Variants in SORCS3 observed in about 807,000 individuals in gnomAD.
SORCS3 encodes the protein sortilin related VPS10 domain containing receptor 3, also known as VPS10 domain-containing receptor SorCS3.
Under a neutral mutation model 146.3 loss-of-function variants are expected in SORCS3, and 57 were observed. That is an observed-to-expected ratio of 0.39 (90% CI 0.31 to 0.49). The LOEUF is 0.49. SORCS3 is among the 20% of genes least tolerant of loss of function. SORCS3 has a pLI of 0.92. For missense variants in SORCS3, 1,341 were observed against 1,575.5 expected (o/e 0.85, Z 2.52); for synonymous variants, 653 against 618.5 (o/e 1.06, Z -0.83).
At chr10:104,894,907 A>G (rs1195658015) in intron 2 of SORCS3, among the ~76,000 whole-genome samples, 1 of 152,232 alleles carries the variant, frequency 6.6e-6, no homozygotes, top group African/African-American at 2.4e-5. Flanking sequence ...GCATTTGGAA[A>G]TGTGGGACAG....
intron 2 of SORCS3, among the ~76,000 whole-genome samples, chr10:104,853,818 C>T (rs1159149248): frequency 1.3e-5 from 2 of 152,174 alleles, no homozygotes; most frequent in East Asian, 1.9e-4. Flanking sequence ...TAAATATGTA[C>T]AATTTTAAAG....
intron 3 of SORCS3, among the ~76,000 whole-genome samples, chr10:104,952,414 A>G (rs2019442184): frequency 6.6e-6 from 1 of 151,704 alleles, no homozygotes; most frequent in Admixed American, 6.6e-5. Context: ...AGAATCTCAC[A>G]CTCTTCTACA....
At chr10:104,959,371 G>T in intron 3 of SORCS3, among the ~76,000 whole-genome samples, 1 of 152,066 alleles carries the variant, frequency 6.6e-6, no homozygotes, top group East Asian at 1.9e-4. Flanking sequence ...CCTCATGAAT[G>T]GATTAGTATC....
At chr10:104,795,187 C>T (rs762677788) in intron 1 of SORCS3, among the ~76,000 whole-genome samples, 9 of 152,078 alleles carry the variant, frequency 5.9e-5, no homozygotes, top group Non-Finnish European at 8.8e-5. Context: ...AATAAATACT[C>T]GGGTATGGCT....
At chr10:105,122,887 G>T (rs910577652) in intron 7 of SORCS3, among the ~76,000 whole-genome samples, 4 of 152,230 alleles carry the variant, frequency 2.6e-5, no homozygotes, top group Non-Finnish European at 1.5e-5. Flanking sequence ...GAAGGAGACA[G>T]TGCAGTTGGA....
At chr10:105,002,661 T>TC in intron 4 of SORCS3, among the ~76,000 whole-genome samples, 1 of 152,252 alleles carries the variant, frequency 6.6e-6, no homozygotes, top group East Asian at 1.9e-4. Flanking sequence ...TTACCTACCC[T>TC]CTTGGGTAAT....
At position 104,868,001 on chromosome 10, in the gene SORCS3, A is replaced by C. The variant is rs77783815; in HGVS notation, c.695+25142A>C. On this transcript the variant is annotated intron_variant, in intron 2 of 26. Transcript: ENST00000369701. ...GTTTTACAACCCTGAGCTTCTCTGT[A>C]TTCATTAGCATGCAGGAATCTGACT... Among the ~76,000 whole-genome samples the C allele has an allele frequency of 8.5e-4, 129 of 152,290 alleles. 1 individual carries two copies. Among genetic ancestry groups the C allele is most frequent in the Middle Eastern group, 3.4e-3 (1 of 294 alleles).
chr10:105,178,251 C>A, intron 14 of SORCS3, 78 bp downstream of exon 14: 1 of 1,167,976 alleles, frequency 8.6e-7, no homozygotes, highest in Non-Finnish European at 1.2e-6. Context: ...GGATTTTTCC[C>A]AGGGAACCCT....
intron 1 of SORCS3, among the ~76,000 whole-genome samples, chr10:104,731,430 T>A (rs1242207230): frequency 6.6e-6 from 1 of 152,170 alleles, no homozygotes; most frequent in Non-Finnish European, 1.5e-5. Context: ...GGCTTGTGAT[T>A]TAACTCTAAA....
Position 105,130,670 on chromosome 10 carries a change from A to G in SORCS3, c.1213-8727A>G, listed in dbSNP as rs1231034155. 3.3e-5 allele frequency among the ~76,000 whole-genome samples: 5 copies of G among 152,136 alleles called. No homozygotes were observed. The South Asian group carries it at 1.0e-3, about 31-fold the overall frequency. On this transcript the variant is annotated intron_variant, in intron 7 of 26. Transcript: ENST00000369701. ...TTCTTGGTGAAACTATTTGGGGGCT[A>G]TTATGTTAGGGCACCAATAAAAGAT...
intron 3 of SORCS3, among the ~76,000 whole-genome samples, chr10:104,933,870 C>T (rs930888262): frequency 6.6e-6 from 1 of 152,190 alleles, no homozygotes; most frequent in Admixed American, 6.5e-5. Flanking sequence ...TCTTGGCTCA[C>T]TGCAACCTCC....
chr10:105,004,545 G>A (rs2055082397), intron 4 of SORCS3, among the ~76,000 whole-genome samples: 1 of 152,108 alleles, frequency 6.6e-6, no homozygotes, highest in East Asian at 1.9e-4. Context: ...GATAGGAAGT[G>A]GAGCAGATAA....
rs767835367 is a variant in SORCS3, at chr10:105,149,410, TG to T, written c.1482+1616del. ...CCCTTAAACAACAAGGTCCCAGTTT[TG>T]GAAATGTTCCAGATTGTTTTACAGA... On this transcript the variant is annotated intron_variant, in intron 9 of 26. Transcript: ENST00000369701. Among the ~76,000 whole-genome samples the T allele has an allele frequency of 3.3e-5, 5 of 152,284 alleles. No homozygotes were observed. The East Asian group carries it at 5.8e-4, about 18-fold the overall frequency.
chr10:104,690,809 G>A (rs560744118), intron 1 of SORCS3, among the ~76,000 whole-genome samples: 4 of 116,098 alleles, frequency 3.4e-5, no homozygotes, highest in African/African-American at 1.0e-4. Flanking sequence ...GTGCATCGAG[G>A]GACCAGGCAA....
intron 6 of SORCS3, among the ~76,000 whole-genome samples, chr10:105,103,495 C>T (rs1300384433): frequency 6.6e-6 from 1 of 152,096 alleles, no homozygotes; most frequent in African/African-American, 2.4e-5. Context: ...ATTCATCATC[C>T]ACATGGACCC....
At chr10:104,769,068 C>A (rs892783257) in intron 1 of SORCS3, among the ~76,000 whole-genome samples, 12 of 152,226 alleles carry the variant, frequency 7.9e-5, no homozygotes, top group African/African-American at 2.7e-4. Context: ...ATCTTCCAAA[C>A]CTTCCACCTC....
At chr10:105,169,014 TAGTC>T (rs895253538) in intron 13 of SORCS3, among the ~76,000 whole-genome samples, 7 of 152,182 alleles carry the variant, frequency 4.6e-5, no homozygotes, top group Non-Finnish European at 8.8e-5. Flanking sequence ...ATATTAATGA[TAGTC>T]AGTATTTATT....
intron 1 of SORCS3, among the ~76,000 whole-genome samples, chr10:104,831,668 A>G (rs2018002433): frequency 6.6e-6 from 1 of 152,234 alleles, no homozygotes; most frequent in Non-Finnish European, 1.5e-5. Flanking sequence ...CATTTAGCTC[A>G]GGGCCAGGAC....
chr10:105,060,095 G>C (rs541693301), intron 5 of SORCS3, among the ~76,000 whole-genome samples: 1 of 152,272 alleles, frequency 6.6e-6, no homozygotes, highest in East Asian at 1.9e-4. Flanking sequence ...CTGTGATAGA[G>C]GTGTCAGAGG....
Sources: gnomAD v4.1 joint callset for allele counts (sites outside exome capture counted in the v4.1 genomes callset) on GRCh38, gnomAD v4.1.1 for gene constraint, MANE v1.5 for transcripts, NCBI Gene and HGNC (gene_info 2026-07-23, HGNC 2026-07-21) for gene names.